CWH43: variants seen among roughly 807,000 people sequenced by gnomAD.
CWH43 encodes the protein PGAP2-interacting protein.
In CWH43, 91 loss-of-function variants were observed where a neutral mutation model predicts 85.7. The observed-to-expected ratio is 1.06, with a 90% CI of 0.90 to 1.26. CWH43 has a LOEUF of 1.26. Among genes scored for constraint, CWH43 ranks in the 50% most tolerant of loss-of-function variants. The pLI, the probability that CWH43 is intolerant of heterozygous loss-of-function variation, is 0.00. For synonymous variants in CWH43, 323 were observed against 293.6 expected (o/e 1.10, Z -1.02); for missense variants, 869 against 839.2 (o/e 1.04, Z -0.44).
intron 8 of CWH43, among the ~76,000 whole-genome samples, chr4:49,014,458 CAA>C (rs34790963): frequency 8.9e-5 from 12 of 134,582 alleles, no homozygotes; most frequent in African/African-American, 3.0e-4. Flanking sequence ...GACTCTGACT[CAA>C]AAAAAAAAAA....
In CWH43 at chr4:48,998,041, C is replaced by T. The variant is rs541601532; in HGVS notation, c.714-419C>T. On this transcript the variant is annotated intron_variant, in intron 5 of 15. Coordinates refer to ENST00000226432, the MANE Select transcript of CWH43 (RefSeq NM_025087.3). ...AGCTATCAGTTATTTATCAAACTGA[C>T]GCTGGTCTTGGGAAGGCCGAGACTC... 1.1e-4 allele frequency among the ~76,000 whole-genome samples: 16 copies of T among 152,124 alleles called. 1 individual carries two copies. The East Asian group carries it at 1.7e-3, about 17-fold the overall frequency.
chr4:48,986,429 G>C lies in CWH43; in HGVS notation c.-1G>C, dbSNP rs1041690961. 4.5e-6 allele frequency: 7 copies of C among 1,546,530 alleles called. No individual in the cohort carries two copies. The highest frequency in any genetic ancestry group is 1.7e-4 in the Middle Eastern group (1 of 5,738). On this transcript the variant is annotated 5_prime_UTR_variant, in exon 1 of 16. Coordinates refer to ENST00000226432, the MANE Select transcript of CWH43 (RefSeq NM_025087.3). Reference sequence around the variant, plus strand: ...GGAAAGCGCTGCCCCTCGCCGCGGCGATGCCCTCGCTGTGGAGAGAAATCC... The same window carrying C: ...GGAAAGCGCTGCCCCTCGCCGCGGCCATGCCCTCGCTGTGGAGAGAAATCC...
intron 13 of CWH43, among the ~76,000 whole-genome samples, chr4:49,038,829 C>T (rs954591516): frequency 2.0e-5 from 3 of 151,910 alleles, no homozygotes; most frequent in Non-Finnish European, 2.9e-5. Flanking sequence ...GAGGCTGAGG[C>T]GGGCGGATCA....
intron 15 of CWH43, among the ~76,000 whole-genome samples, chr4:49,055,968 G>T (rs558785251): frequency 6.7e-6 from 1 of 148,286 alleles, no homozygotes; most frequent in Admixed American, 6.7e-5. Context: ...ACATTGTGCA[G>T]GTTAGTTACA....
chr4:49,000,942 C>T (rs1782969959), intron 6 of CWH43, among the ~76,000 whole-genome samples: 1 of 152,204 alleles, frequency 6.6e-6, no homozygotes, highest in Non-Finnish European at 1.5e-5. Flanking sequence ...CACTTACTCA[C>T]CTGCAATAAG....
intron 13 of CWH43, among the ~76,000 whole-genome samples, chr4:49,043,548 T>C (rs1211779660): frequency 1.3e-5 from 2 of 152,186 alleles, no homozygotes; most frequent in African/African-American, 2.4e-5. Flanking sequence ...TAGGAGGAAG[T>C]TTATTAATGT....
rs1784319240 is a variant in CWH43 at position 49,038,140 on chromosome 4, C to A, written c.1763C>A (p.Ser588Tyr). The A allele has an allele frequency of 1.2e-6, 2 of 1,610,486 alleles. No homozygotes were observed. The highest frequency in any genetic ancestry group is 1.7e-6 in the Non-Finnish European group (2 of 1,178,204). ...FLGYITSAPG[S>Y]RDYLQLTEHG... ...GGATATATCACTTCAGCACCTGGCT[C>A]CAGAGATTATCTACAGCTCACTGAA... Residue 588 changes from serine (S) to tyrosine (Y), a missense_variant, in exon 13 of 16, where the codon TCC becomes TAC. Ser to Tyr is a moderately radical substitution (Grantham distance 144). Transcript: ENST00000226432.
At chr4:49,006,347 AAG>A (rs1466898024) in intron 7 of CWH43, among the ~76,000 whole-genome samples, 5 of 152,222 alleles carry the variant, frequency 3.3e-5, no homozygotes, top group Non-Finnish European at 7.3e-5. Context: ...AAAGAAAAAT[AAG>A]AGTGATGTTA....
At chr4:49,043,179 G>T (rs900547936) in intron 13 of CWH43, among the ~76,000 whole-genome samples, 2 of 152,142 alleles carry the variant, frequency 1.3e-5, no homozygotes, top group African/African-American at 4.8e-5. Flanking sequence ...GGAATCATAG[G>T]GTTGTTTGAT....
intron 9 of CWH43, among the ~76,000 whole-genome samples, chr4:49,023,426 G>T (rs1783810388): frequency 6.6e-6 from 1 of 152,156 alleles, no homozygotes; most frequent in African/African-American, 2.4e-5. Flanking sequence ...CCAGGCTGGA[G>T]TGCAATGGCA....
chr4:49,004,369 G>A (rs541444773), intron 7 of CWH43, among the ~76,000 whole-genome samples: 1 of 152,144 alleles, frequency 6.6e-6, no homozygotes, highest in Admixed American at 6.6e-5. Flanking sequence ...AAATATACAT[G>A]GGGATTGTGA....
At chr4:49,008,094 T>C (rs35361847) in intron 8 of CWH43, among the ~76,000 whole-genome samples, 28,294 of 152,202 alleles carry the variant, frequency 0.19, 3,153 homozygotes, top group Middle Eastern at 0.26. Flanking sequence ...ACCAACAGTA[T>C]AAAAGCGTTC....
chr4:49,046,971 C>T (rs1325890094), intron 14 of CWH43, among the ~76,000 whole-genome samples: 1 of 152,108 alleles, frequency 6.6e-6, no homozygotes, highest in Non-Finnish European at 1.5e-5. Context: ...ATGTGGGGAG[C>T]CCTGGTGTGG....
intron 9 of CWH43, among the ~76,000 whole-genome samples, chr4:49,026,044 G>A (rs375980037): frequency 7.9e-5 from 12 of 152,214 alleles, no homozygotes; most frequent in African/African-American, 2.9e-4. Context: ...GGAGATGGGT[G>A]TGTGGATCCT....
In CWH43 at chr4:48,988,165, C is replaced by A. The variant is rs375043967; in HGVS notation, c.44-312C>A. ...GTACATTTCACCAGAAATTTCACTT[C>A]TGGGTATATATCCTACAGATATACT... On this transcript the variant is annotated intron_variant, in intron 1 of 15. Transcript: ENST00000226432. 2.6e-5 allele frequency among the ~76,000 whole-genome samples: 4 copies of A among 152,340 alleles called. No homozygotes were observed. In the East Asian group the frequency reaches 7.7e-4, roughly 29 times the overall value.
intron 7 of CWH43, 186 bp from the exon 8 acceptor site, chr4:49,007,015 C>G: frequency 1.9e-6 from 1 of 532,756 alleles, no homozygotes; most frequent in Non-Finnish European, 2.9e-6. Flanking sequence ...ATTCCTAGAA[C>G]CCTACCTGAT....
intron 8 of CWH43, among the ~76,000 whole-genome samples, chr4:49,011,971 G>C (rs1287113489): frequency 6.6e-6 from 1 of 152,092 alleles, no homozygotes; most frequent in Non-Finnish European, 1.5e-5. Context: ...TCTTCTTGAG[G>C]AATATCTTTG....
intron 8 of CWH43, among the ~76,000 whole-genome samples, chr4:49,010,779 T>C (rs1783332400): frequency 6.6e-6 from 1 of 152,176 alleles, no homozygotes; most frequent in African/African-American, 2.4e-5. Context: ...CAGGTAGTTG[T>C]GTGGTTTTGG....
At chr4:49,036,272 A>G (rs1349551293) in intron 12 of CWH43, among the ~76,000 whole-genome samples, 1 of 152,200 alleles carries the variant, frequency 6.6e-6, no homozygotes, top group Non-Finnish European at 1.5e-5. Flanking sequence ...TGAAATCTGC[A>G]GGGGTCAGCC....
Sources: allele counts gnomAD v4.1 joint callset (sites outside exome capture counted in the v4.1 genomes callset), GRCh38; gene constraint gnomAD v4.1.1; transcripts MANE v1.5; gene names NCBI Gene and HGNC (gene_info 2026-07-23, HGNC 2026-07-21).